The following ST3GAL3 variants were observed in gnomAD, a reference collection of about 807,000 sequenced individuals.
ST3GAL3 encodes CMP-N-acetylneuraminate-beta-1,4-galactoside alpha-2,3-sialyltransferase.
A neutral mutation model predicts 50.1 loss-of-function variants in ST3GAL3; 21 were observed. That is an observed-to-expected ratio of 0.42 (90% CI 0.30 to 0.60). The LOEUF is 0.60. Ranked by LOEUF, ST3GAL3 falls within the 20% of genes least tolerant of loss-of-function variation. ST3GAL3 has a pLI of 0.19. For synonymous variants in ST3GAL3, 183 were observed against 190.0 expected, an observed-to-expected ratio of 0.96 and a Z score of 0.30; for missense variants, 353 against 489.4, an observed-to-expected ratio of 0.72 and a Z score of 2.63.
At chr1:43,799,498 C>T (rs1322162947) in intron 3 of ST3GAL3, 3 of 152,186 alleles carry the variant, frequency 2.0e-5, no homozygotes, top group African/African-American at 7.2e-5. Flanking sequence ...GTCCATTCCT[C>T]ATAGATGGAA....
chr1:43,735,971 A>C (rs1678229699), intron 1 of ST3GAL3, among the ~76,000 whole-genome samples: 1 of 152,142 alleles, frequency 6.6e-6, no homozygotes, highest in African/African-American at 2.4e-5. Flanking sequence ...GGGAGGCTGG[A>C]ATTGCCAGAA....
chr1:43,930,065 C>T (rs1472748502), intron 11 of ST3GAL3, 67 bp from the exon 12 acceptor site: 3 of 1,391,014 alleles, frequency 2.2e-6, no homozygotes, highest in Non-Finnish European at 2.0e-6. Flanking sequence ...AAGAAGGCAC[C>T]GAGCCCTGGA....
chr1:43,760,884 C>G (rs1690061396), intron 2 of ST3GAL3, among the ~76,000 whole-genome samples: 1 of 152,146 alleles, frequency 6.6e-6, no homozygotes, highest in Admixed American at 6.5e-5. Flanking sequence ...ATGGACTGTT[C>G]TGCAATAAAG....
At chr1:43,774,604 G>A (rs1429197771) in intron 2 of ST3GAL3, among the ~76,000 whole-genome samples, 2 of 152,212 alleles carry the variant, frequency 1.3e-5, no homozygotes, top group Admixed American at 6.5e-5. Context: ...GTGGAGCCAA[G>A]CATCTCCAGG....
chr1:43,916,767 G>C (rs1355323167), intron 9 of ST3GAL3: 1 of 152,038 alleles, frequency 6.6e-6, no homozygotes, highest in Non-Finnish European at 1.5e-5. Flanking sequence ...TAAAGACATT[G>C]TCTCACTATA....
intron 5 of ST3GAL3, among the ~76,000 whole-genome samples, chr1:43,884,275 A>C (rs983575976): frequency 6.6e-6 from 1 of 152,174 alleles, no homozygotes; most frequent in African/African-American, 2.4e-5. Context: ...CCTCTGAGCT[A>C]CCTCTCTCAG....
intron 2 of ST3GAL3, among the ~76,000 whole-genome samples, chr1:43,741,566 G>A (rs1016084285): frequency 2.0e-5 from 3 of 152,208 alleles, no homozygotes; most frequent in East Asian, 1.9e-4. Flanking sequence ...TTTAATAGAC[G>A]TAGGACATTG....
chr1:43,707,858 C>T (rs1162466124), intron 1 of ST3GAL3, 165 bp downstream of exon 1: 2 of 152,218 alleles, frequency 1.3e-5, no homozygotes, highest in Non-Finnish European at 2.9e-5. Context: ...GCCCAGTCGT[C>T]CTTCGGGCTG....
At chr1:43,845,289 G>GT (rs1017834693) in intron 5 of ST3GAL3, among the ~76,000 whole-genome samples, 4 of 151,358 alleles carry the variant, frequency 2.6e-5, no homozygotes, top group Admixed American at 6.6e-5. Context: ...AGCCAGGGAA[G>GT]TTTTTTTTTA....
chr1:43,852,229 A>T (rs1033023577), intron 5 of ST3GAL3, among the ~76,000 whole-genome samples: 4 of 152,128 alleles, frequency 2.6e-5, no homozygotes, highest in African/African-American at 7.2e-5. Flanking sequence ...GCTCACTTGG[A>T]TACATCTTCC....
chr1:43,829,332 A>G (rs1374127836), intron 4 of ST3GAL3, among the ~76,000 whole-genome samples: 2 of 152,244 alleles, frequency 1.3e-5, no homozygotes, highest in Non-Finnish European at 2.9e-5. Flanking sequence ...AAATAAAAAC[A>G]AAACCCCAGA....
chr1:43,803,060 G>C (rs2059486644), intron 3 of ST3GAL3, among the ~76,000 whole-genome samples: 1 of 152,022 alleles, frequency 6.6e-6, no homozygotes, highest in African/African-American at 2.4e-5. Context: ...CAAGTAGCTG[G>C]GACTACAGGC....
chr1:43,763,200 C>T (rs966111388), intron 2 of ST3GAL3, among the ~76,000 whole-genome samples: 2 of 152,152 alleles, frequency 1.3e-5, no homozygotes, highest in Non-Finnish European at 1.5e-5. Flanking sequence ...CCGGTGAGTA[C>T]TCTGCACCTG....
In ST3GAL3 at chr1:43,851,176, C is replaced by T. The variant is rs1215834844; in HGVS notation, c.302+12865C>T. On this transcript the variant is annotated intron_variant, in intron 5 of 11. Transcript: ENST00000347631. Reference sequence around the variant, plus strand: ...GCTTCGGGTGGAAGAGGCGGGTGTTCTCCTCCAGCTGGTCATAGTTGATGT... The same window carrying T: ...GCTTCGGGTGGAAGAGGCGGGTGTTTTCCTCCAGCTGGTCATAGTTGATGT... 2.8e-6 allele frequency: 4 copies of T among 1,404,526 alleles called. No individual in the cohort carries two copies. In the East Asian group the frequency reaches 9.1e-5, roughly 32 times the overall value. The allele number at this position is 1,404,526 out of a possible 1,614,324, so 87.0% of individuals were successfully genotyped here.
At chr1:43,817,399 T>C (rs37466) in intron 4 of ST3GAL3, among the ~76,000 whole-genome samples, 97,640 of 130,550 alleles carry the variant, frequency 0.75, 33,848 homozygotes, top group Non-Finnish European at 0.81. Context: ...TCTCCTCCTT[T>C]TTCTCCTTCT....
At chr1:43,806,970 C>T (rs535131967) in intron 3 of ST3GAL3, among the ~76,000 whole-genome samples, 2 of 152,252 alleles carry the variant, frequency 1.3e-5, no homozygotes, top group East Asian at 1.9e-4. Context: ...GGATTACAGG[C>T]GTCAGCCACT....
chr1:43,817,574 C>CCT (rs879685040), intron 4 of ST3GAL3, among the ~76,000 whole-genome samples: 40,594 of 108,146 alleles, frequency 0.38, 10,739 homozygotes, highest in East Asian at 0.6. Flanking sequence ...CCTTCTTCTT[C>CCT]TCCTTCTCCT....
chr1:43,894,897 C>T (rs1384660071), intron 6 of ST3GAL3, among the ~76,000 whole-genome samples: 1 of 152,082 alleles, frequency 6.6e-6, no homozygotes, highest in Non-Finnish European at 1.5e-5. Flanking sequence ...GCTGGGGTTA[C>T]AGGCATGAGC....
At chr1:43,849,508 G>A (rs1440660589) in intron 5 of ST3GAL3, among the ~76,000 whole-genome samples, 1 of 152,074 alleles carries the variant, frequency 6.6e-6, no homozygotes, top group African/African-American at 2.4e-5. Context: ...ACATTCAGTG[G>A]TTAAAAATTT....
Sources: allele counts gnomAD v4.1 joint callset (sites outside exome capture counted in the v4.1 genomes callset), GRCh38; gene constraint gnomAD v4.1.1; transcripts MANE v1.5; gene names NCBI Gene and HGNC (gene_info 2026-07-23, HGNC 2026-07-21).